The following KCNQ3 variants were observed in gnomAD, a reference collection of about 807,000 sequenced individuals.
The protein encoded by KCNQ3 is potassium voltage-gated channel subfamily KQT member 3.
Under a neutral mutation model 92.5 loss-of-function variants are expected in KCNQ3, and 30 were observed. The observed-to-expected ratio is 0.32, with a 90% CI of 0.24 to 0.44. The LOEUF is 0.44. Among genes scored for constraint, KCNQ3 ranks in the 20% least tolerant of loss-of-function variants. The pLI is 1.00. For missense variants in KCNQ3, 913 were observed against 1,140.3 expected, an observed-to-expected ratio of 0.80 and a Z score of 2.87; for synonymous variants, 450 against 468.8, an observed-to-expected ratio of 0.96 and a Z score of 0.52.
chr8:132,452,157 A>T (rs973328295), intron 1 of KCNQ3, among the ~76,000 whole-genome samples: 1 of 152,312 alleles, frequency 6.6e-6, no homozygotes, highest in African/African-American at 2.4e-5. Context: ...CCACATTCGC[A>T]TCGTTGTGCA....
At chr8:132,367,192 AG>A (rs1251860902) in intron 1 of KCNQ3, among the ~76,000 whole-genome samples, 1 of 152,204 alleles carries the variant, frequency 6.6e-6, no homozygotes, top group Non-Finnish European at 1.5e-5. Context: ...GTCTGTTTGG[AG>A]GTAGCTGTAT....
intron 9 of KCNQ3, among the ~76,000 whole-genome samples, chr8:132,149,692 G>A (rs1167918320): frequency 6.6e-6 from 1 of 152,158 alleles, no homozygotes; most frequent in Admixed American, 6.5e-5. Flanking sequence ...AGACACGCGC[G>A]CGGGACAGTT....
rs567909681 is a variant in KCNQ3, at chr8:132,386,169, G to C, written c.386+93978C>G. Among the ~76,000 whole-genome samples the C allele has an allele frequency of 1.2e-4, 18 of 152,230 alleles. No homozygotes were observed. The South Asian group carries it at 3.3e-3, about 28-fold the overall frequency. ...GGAAAAGAAATGACATTTCACATCA[G>C]AATTTAAGGGTGGTATCCAAAGCTG... On this transcript the variant is annotated intron_variant, in intron 1 of 14. Transcript: ENST00000388996.
intron 9 of KCNQ3, among the ~76,000 whole-genome samples, chr8:132,154,444 T>G (rs1825744928): frequency 6.6e-6 from 1 of 152,078 alleles, no homozygotes; most frequent in Non-Finnish European, 1.5e-5. Context: ...TGAGGGCAAT[T>G]TGACTGCCGT....
intron 1 of KCNQ3, among the ~76,000 whole-genome samples, chr8:132,266,652 C>T (rs1035651288): frequency 1.4e-4 from 22 of 152,192 alleles, no homozygotes; most frequent in African/African-American, 5.3e-4. Context: ...TCCCAGAGGC[C>T]GAGAGTAGGG....
chr8:132,178,596 G>T, intron 4 of KCNQ3, among the ~76,000 whole-genome samples: 1 of 152,104 alleles, frequency 6.6e-6, no homozygotes, highest in East Asian at 1.9e-4. Flanking sequence ...AAGGCCTTCT[G>T]GCTGGAAGGT....
In KCNQ3 at chr8:132,129,299, G is replaced by C; in HGVS notation, c.2582C>G (p.Ser861Cys). 2.5e-6 allele frequency: 4 copies of C among 1,613,844 alleles called. No individual in the cohort carries two copies. The highest frequency in any genetic ancestry group is 3.4e-6 in the Non-Finnish European group (4 of 1,180,046). The change falls in exon 15 of 15, where the codon TCT becomes TGT. Residue 861 changes from serine to cysteine, a missense_variant. By Grantham distance (112) the Ser-to-Cys change is moderately radical. This residue lies in a region of KCNQ3 where 375 missense variants were observed against 376.4 expected (regional missense o/e 1.00). Coordinates refer to ENST00000388996, the MANE Select transcript of KCNQ3 (RefSeq NM_004519.4). This position sits in a 1 kb window ranked among gnomAD's most constrained non-coding sequence, Gnocchi z 5.9. ...MPLSSTGDGI[S>C]DSVWTPSNKP... is the part of the protein sequence containing the mutation. ...ATTGGAAGGGGTCCATACTGAATCAGAAATCCCATCCCCTGTGGACGACAG... is the reference window on the plus strand; with the variant it reads ...ATTGGAAGGGGTCCATACTGAATCACAAATCCCATCCCCTGTGGACGACAG...
intron 1 of KCNQ3, among the ~76,000 whole-genome samples, chr8:132,399,564 A>C (rs1820283009): frequency 6.6e-6 from 1 of 152,218 alleles, no homozygotes. Context: ...ATAACTCCTT[A>C]CATTGTCCAA....
intron 1 of KCNQ3, among the ~76,000 whole-genome samples, chr8:132,444,522 G>C (rs572842315): frequency 6.6e-5 from 10 of 152,296 alleles, no homozygotes; most frequent in Admixed American, 3.9e-4. Flanking sequence ...ACTGAACTTA[G>C]GAAAATCATG....
intron 1 of KCNQ3, among the ~76,000 whole-genome samples, chr8:132,261,165 T>G (rs557071563): frequency 2.6e-5 from 4 of 152,222 alleles, no homozygotes; most frequent in Non-Finnish European, 4.4e-5. Context: ...TTCAGCTCTC[T>G]ATCTGGCATT....
intron 1 of KCNQ3, among the ~76,000 whole-genome samples, chr8:132,279,754 GATC>G (rs1450741409): frequency 6.6e-6 from 1 of 152,016 alleles, no homozygotes; most frequent in African/African-American, 2.4e-5. Flanking sequence ...ACACATCTAT[GATC>G]ATATCTGCAT....
At chr8:132,316,414 C>T (rs1817744806) in intron 1 of KCNQ3, among the ~76,000 whole-genome samples, 1 of 152,150 alleles carries the variant, frequency 6.6e-6, no homozygotes, top group Non-Finnish European at 1.5e-5. Context: ...TCTGCCAATT[C>T]CTTAGTTCTG....
At chr8:132,467,451 C>T (rs1793709823) in intron 1 of KCNQ3, among the ~76,000 whole-genome samples, 1 of 152,148 alleles carries the variant, frequency 6.6e-6, no homozygotes, top group Non-Finnish European at 1.5e-5. Flanking sequence ...CAAGGCTGAG[C>T]TCAGTGGAGT....
intron 9 of KCNQ3, among the ~76,000 whole-genome samples, chr8:132,152,650 C>T (rs1446817998): frequency 6.6e-6 from 1 of 152,170 alleles, no homozygotes; most frequent in African/African-American, 2.4e-5. Flanking sequence ...TGGCCTCATA[C>T]CTTTGCCTAC....
intron 1 of KCNQ3, among the ~76,000 whole-genome samples, chr8:132,385,512 T>C (rs1819866815): frequency 6.6e-6 from 1 of 152,220 alleles, no homozygotes; most frequent in Non-Finnish European, 1.5e-5. Flanking sequence ...TCCTCAAGAA[T>C]GGACTAATGT....
At chr8:132,351,778 T>C (rs1818874423) in intron 1 of KCNQ3, among the ~76,000 whole-genome samples, 1 of 152,140 alleles carries the variant, frequency 6.6e-6, no homozygotes, top group African/African-American at 2.4e-5. Context: ...TTGACTCAGT[T>C]TTGCTTCTTT....
chr8:132,302,884 C>CA (rs748865526), intron 1 of KCNQ3, among the ~76,000 whole-genome samples: 7 of 152,200 alleles, frequency 4.6e-5, no homozygotes, highest in African/African-American at 7.2e-5. Flanking sequence ...GTCCAGGAGG[C>CA]AGCTGGCTGT....
intron 9 of KCNQ3, among the ~76,000 whole-genome samples, chr8:132,160,228 C>T (rs73355078): frequency 0.08 from 12,178 of 152,214 alleles, 565 homozygotes; most frequent in South Asian, 0.12. Context: ...TTGTATTAGC[C>T]GAGGTCATTC....
At chr8:132,390,335 A>G (rs1820018361) in intron 1 of KCNQ3, among the ~76,000 whole-genome samples, 1 of 152,200 alleles carries the variant, frequency 6.6e-6, no homozygotes, top group South Asian at 2.1e-4. Context: ...TTGAGTAGAA[A>G]GGGACAGTGC....
Sources: allele counts gnomAD v4.1 joint callset (sites outside exome capture counted in the v4.1 genomes callset), GRCh38; gene constraint gnomAD v4.1.1; regional missense constraint gnomAD v4.1.1; non-coding constraint Gnocchi (gnomAD v3.1); transcripts MANE v1.5; gene names NCBI Gene and HGNC (gene_info 2026-07-23, HGNC 2026-07-21).